RACK1: variants seen among roughly 807,000 people sequenced by gnomAD.
The protein encoded by RACK1 is small ribosomal subunit protein RACK1.
Under a neutral mutation model 42.2 loss-of-function variants are expected in RACK1, and 3 were observed. That is an observed-to-expected ratio of 0.07 (90% CI 0.03 to 0.18). RACK1 has a LOEUF of 0.18. Among genes scored for constraint, RACK1 ranks in the 10% least tolerant of loss-of-function variants. RACK1 has a pLI of 1.00. For synonymous variants in RACK1, 181 were observed against 154.8 expected (o/e 1.17, Z -1.25); for missense variants, 146 against 403.2 (o/e 0.36, Z 5.46).
intron 5 of RACK1, chr5:181,238,741 G>A (rs1759226549): frequency 2.7e-6 from 1 of 374,126 alleles, no homozygotes; most frequent in African/African-American, 2.1e-5. Flanking sequence ...GATGGTTGCA[G>A]TGAGCCGAGA....
At chr5:181,238,381 T>C in intron 5 of RACK1, 142 bp from the exon 6 acceptor site, 1 of 795,996 alleles carries the variant, frequency 1.3e-6, no homozygotes, top group Non-Finnish European at 2.0e-6. Context: ...CAAGTACCAA[T>C]ATTTATCTCT....
chr5:181,239,640 C>T, intron 3 of RACK1, 58 bp from the exon 4 acceptor site: 2 of 1,100,332 alleles, frequency 1.8e-6, no homozygotes, highest in Non-Finnish European at 2.8e-6. Flanking sequence ...AATGCTAGAC[C>T]TCCCAGCCCT....
At chr5:181,243,640 G>T in intron 1 of RACK1, 52 bp downstream of exon 1, 1 of 1,545,894 alleles carries the variant, frequency 6.5e-7, no homozygotes, top group Non-Finnish European at 8.7e-7. Context: ...CACGACACGC[G>T]GAATCCCCCA....
intron 1 of RACK1, 101 bp from the exon 2 acceptor site, chr5:181,242,446 C>A: frequency 1.3e-6 from 1 of 756,790 alleles, no homozygotes; most frequent in Admixed American, 2.2e-5. Context: ...GGGTTAACAA[C>A]AACTAAGGAC....
chr5:181,238,045 T>C (rs1042177764), intron 6 of RACK1, 54 bp downstream of exon 6: 46 of 1,593,976 alleles, frequency 2.9e-5, no homozygotes, highest in Admixed American at 1.2e-4. Flanking sequence ...AACCAAAACA[T>C]TGCCAGGGCT....
In RACK1 at chr5:181,237,632, G is replaced by C; in HGVS notation, c.865C>G (p.Leu289Val). 6.2e-7 allele frequency: 1 copy of C among 1,605,208 alleles called. No homozygotes were observed. The highest frequency in any genetic ancestry group is 8.5e-7 in the Non-Finnish European group (1 of 1,171,824). Residue 289 changes from leucine (L) to valine (V), a missense_variant, in exon 7 of 8, where the codon CTG becomes GTG. Physicochemically the swap from Leu to Val is conservative, Grantham distance 32 (BLOSUM62 1). Transcript: ENST00000512805. ...ACCTGGCCATCAGCAGACCAGGCCA[G>C]GGAGGTGCACTGGGGTGGTTCTGCC... Reference protein sequence around the residue: ...SKAEPPQCTSLAWSADGQTLF... With the variant: ...SKAEPPQCTSVAWSADGQTLF...
chr5:181,238,290 A>G (rs1759212525), intron 5 of RACK1, 51 bp from the exon 6 acceptor site: 1 of 1,577,282 alleles, frequency 6.3e-7, no homozygotes, highest in South Asian at 1.1e-5. Flanking sequence ...CCAGATGTTA[A>G]TTCTGCCCAT....
At chr5:181,242,485 A>G (rs1177998170) in intron 1 of RACK1, 140 bp from the exon 2 acceptor site, 1 of 675,264 alleles carries the variant, frequency 1.5e-6, no homozygotes, top group East Asian at 2.7e-5. Context: ...ACAACAGACA[A>G]GAGCAGTTAC....
At chr5:181,240,732 C>T (rs2113214525) in intron 3 of RACK1, among the ~76,000 whole-genome samples, 1 of 152,254 alleles carries the variant, frequency 6.6e-6, no homozygotes, top group South Asian at 2.1e-4. Flanking sequence ...TGGGGTCTCA[C>T]TATGTTGGCC....
chr5:181,243,054 C>T (rs1298185982), intron 1 of RACK1: 1 of 360,186 alleles, frequency 2.8e-6, no homozygotes, highest in African/African-American at 2.1e-5. Flanking sequence ...AAAGCCACTT[C>T]AGGCGCTACA....
At chr5:181,243,645 C>T in intron 1 of RACK1, 47 bp downstream of exon 1, 1 of 1,548,438 alleles carries the variant, frequency 6.5e-7, no homozygotes, top group Non-Finnish European at 8.7e-7. Flanking sequence ...CACGCGGAAT[C>T]CCCCAGCCCT....
At chr5:181,237,166 G>A in intron 7 of RACK1, 124 bp from the exon 8 acceptor site, 1 of 1,532,382 alleles carries the variant, frequency 6.5e-7, no homozygotes, top group Non-Finnish European at 8.9e-7. Context: ...CTGGAGTGCA[G>A]GGGTGCGATC....
At position 181,236,915 on chromosome 5, in the gene RACK1, A is replaced by G. The variant is rs1050173709; in HGVS notation, c.*62T>C. On this transcript the variant is annotated 3_prime_UTR_variant, in exon 8 of 8. Transcript: ENST00000512805. ...ATGGAGCTTTTTTGCATATAAGAAA[A>G]AAAAACCTAAAAGTCAGAAAAGCCA... 3.2e-6 allele frequency: 5 copies of G among 1,543,422 alleles called. No homozygotes were observed. In the African/African-American group the frequency reaches 5.7e-5, roughly 18 times the overall value.
In RACK1 at chr5:181,236,941, GTT is replaced by G. The variant is rs11445317; in HGVS notation, c.*34_*35del. The stretch of plus-strand genomic sequence containing the variant: ...AAAAACCTAAAAGTCAGAAAAGCCA[GTT>G]TTTTTTTTATTTGTAAAGCTCTGCC... On this transcript the variant is annotated 3_prime_UTR_variant, in exon 8 of 8. Coordinates refer to ENST00000512805, the MANE Select transcript of RACK1 (RefSeq NM_006098.5). 44 of 1,371,552 alleles carry G rather than the reference GTT, an allele frequency of 3.2e-5. No individual in the cohort carries two copies. In the African/African-American group the frequency reaches 4.5e-4, roughly 14 times the overall value. 85.0% of individuals were successfully genotyped at this position (1,371,552 alleles called of 1,614,324 possible).
chr5:181,237,078 G>T (rs1490248088), intron 7 of RACK1, 36 bp from the exon 8 acceptor site: 1 of 1,610,702 alleles, frequency 6.2e-7, no homozygotes, highest in East Asian at 2.2e-5. Context: ...GGTCAGGCTG[G>T]CATAAATTCT....
chr5:181,242,419 G>T, intron 1 of RACK1, 74 bp from the exon 2 acceptor site: 1 of 1,019,728 alleles, frequency 9.8e-7, no homozygotes, highest in Non-Finnish European at 1.5e-6. Flanking sequence ...AATTCACTAA[G>T]TGTCAAGGTC....
intron 2 of RACK1, 76 bp from the exon 3 acceptor site, chr5:181,241,715 T>C: frequency 1.3e-6 from 2 of 1,484,074 alleles, no homozygotes; most frequent in South Asian, 1.1e-5. Context: ...TCCTGGGCTT[T>C]GTCTCTGTCT....
At chr5:181,239,031 C>A in intron 5 of RACK1, 36 bp downstream of exon 5, 1 of 1,351,520 alleles carries the variant, frequency 7.4e-7, no homozygotes, top group Non-Finnish European at 1.1e-6. Flanking sequence ...ATGACGCTGT[C>A]TTCCACTGAG....
intron 5 of RACK1, 126 bp downstream of exon 5, chr5:181,238,941 A>C (rs776184213): frequency 2.6e-6 from 2 of 768,262 alleles, no homozygotes; most frequent in Admixed American, 3.5e-5. Context: ...TCAGATTGCC[A>C]TTATCTCATT....
Sources: gnomAD v4.1 joint callset for allele counts (sites outside exome capture counted in the v4.1 genomes callset) on GRCh38, gnomAD v4.1.1 for gene constraint, MANE v1.5 for transcripts, NCBI Gene and HGNC (gene_info 2026-07-23, HGNC 2026-07-21) for gene names.